Variants in MICAL3 observed in about 807,000 individuals in gnomAD.
MICAL3 encodes microtubule associated monooxygenase, calponin and LIM domain containing 3.
Under a neutral mutation model 207.4 loss-of-function variants are expected in MICAL3, and 62 were observed. The ratio of observed to expected loss-of-function variants is 0.30; its 90% CI spans 0.24 to 0.37. MICAL3 has a LOEUF of 0.37. MICAL3 is among the 10% of genes least tolerant of loss of function. The probability of loss-of-function intolerance (pLI) is 1.00; values close to 1 mark genes in which losing one functional copy is unlikely to be tolerated. For missense variants in MICAL3, 2,368 were observed against 2,635.6 expected (o/e 0.90, Z 2.22); for synonymous variants, 1,077 against 1,069.3 (o/e 1.01, Z -0.14).
chr22:17,839,993 T>TG (rs1347249078), intron 20 of MICAL3: 1 of 149,034 alleles, frequency 6.7e-6, no homozygotes, highest in African/African-American at 2.5e-5. Flanking sequence ...TGTACTGGTG[T>TG]GATCTCAGAT....
chr22:17,967,736 C>T (rs978169446), intron 1 of MICAL3, among the ~76,000 whole-genome samples: 1 of 151,572 alleles, frequency 6.6e-6, no homozygotes, highest in African/African-American at 2.4e-5. Context: ...AGCGAAACCC[C>T]TTCTCTATTG....
At chr22:17,893,147 C>T (rs939414786) in intron 11 of MICAL3, among the ~76,000 whole-genome samples, 98 of 152,122 alleles carry the variant, frequency 6.4e-4, no homozygotes, top group African/African-American at 2.3e-3. Context: ...GGCCCAAAGT[C>T]TGAGGTCTCC....
At chr22:17,871,542 T>G (rs973399492) in intron 17 of MICAL3, among the ~76,000 whole-genome samples, 3 of 152,220 alleles carry the variant, frequency 2.0e-5, no homozygotes, top group Non-Finnish European at 4.4e-5. Flanking sequence ...TTGTGTTCCT[T>G]TTATCTCAAG....
intron 1 of MICAL3, among the ~76,000 whole-genome samples, chr22:17,913,747 T>C (rs928691042): frequency 6.6e-6 from 1 of 152,172 alleles, no homozygotes; most frequent in African/African-American, 2.4e-5. Context: ...TATTTCTTCA[T>C]GAAAACCAAG....
At chr22:17,872,116 C>A in intron 16 of MICAL3, 93 bp from the exon 17 acceptor site, 1 of 1,103,574 alleles carries the variant, frequency 9.1e-7, no homozygotes, top group Non-Finnish European at 1.3e-6. Flanking sequence ...GCAAAGCCAA[C>A]CCTCACTAAG....
chr22:17,800,917 G>A (rs1337993592), intron 29 of MICAL3, among the ~76,000 whole-genome samples: 6 of 152,170 alleles, frequency 3.9e-5, no homozygotes, highest in East Asian at 1.9e-4. Context: ...TCGTCCTCAC[G>A]GGCGTGGCGA....
intron 12 of MICAL3, among the ~76,000 whole-genome samples, chr22:17,891,166 C>T (rs1329834022): frequency 6.6e-6 from 1 of 151,946 alleles, no homozygotes; most frequent in African/African-American, 2.4e-5. Context: ...AACAGTTTTC[C>T]TTTGTGGGAA....
intron 19 of MICAL3, chr22:17,861,147 A>G (rs1926478097): frequency 1.0e-6 from 1 of 985,422 alleles, no homozygotes; most frequent in Non-Finnish European, 1.2e-6. Context: ...GGAAGCAGTA[A>G]GACTTCCGAA....
At chr22:17,795,606 T>C (rs1323926893) in intron 29 of MICAL3, among the ~76,000 whole-genome samples, 3 of 151,926 alleles carry the variant, frequency 2.0e-5, no homozygotes, top group Non-Finnish European at 4.4e-5. Context: ...AATTAGGAAA[T>C]GAAATTAGAA....
intron 1 of MICAL3, among the ~76,000 whole-genome samples, chr22:17,943,255 AG>A (rs1933895406): frequency 6.6e-6 from 1 of 152,102 alleles, no homozygotes; most frequent in African/African-American, 2.4e-5. Flanking sequence ...CTCTGCCTCC[AG>A]GGTTCAAGCA....
In MICAL3 at chr22:17,841,588, T is replaced by A. The variant is rs1446524214; in HGVS notation, c.2801+234A>T. 3.4e-6 allele frequency: 2 copies of A among 582,878 alleles called. No individual in the cohort carries two copies. Among genetic ancestry groups the A allele is most frequent in the Admixed American group, 3.0e-5 (1 of 33,742 alleles). The allele number at this position is 582,878 out of a possible 1,614,324, so 36.1% of individuals were successfully genotyped here. ...AATGACAGACTTGGAGCTGGGGACATGTCAGGTCCTCAAGGAATAAATACT... is the reference window on the plus strand; with the variant it reads ...AATGACAGACTTGGAGCTGGGGACAAGTCAGGTCCTCAAGGAATAAATACT... On this transcript the variant is annotated intron_variant, in intron 20 of 31. Transcript: ENST00000441493. The surrounding 1 kb of genome is among the most constrained non-coding windows in gnomAD (Gnocchi z 4.2).
At chr22:17,848,792 G>T (rs1252222827) in intron 19 of MICAL3, among the ~76,000 whole-genome samples, 1 of 152,202 alleles carries the variant, frequency 6.6e-6, no homozygotes, top group Non-Finnish European at 1.5e-5. Flanking sequence ...TGTACAAAAG[G>T]TCTTCCTGCA....
chr22:17,793,671 C>T lies in MICAL3; in HGVS notation c.5651-2370G>A, dbSNP rs1239285651. 3 of 152,342 alleles carry T rather than the reference C, an allele frequency of 2.0e-5. No homozygotes were observed. Among genetic ancestry groups the T allele is most frequent in the Admixed American group, 6.6e-5 (1 of 15,266 alleles). The allele number at this position is 152,342 out of a possible 1,614,324, so 9.4% of individuals were successfully genotyped here. A position where few individuals can be genotyped will look rare whatever the true frequency, so the allele number is the denominator to read the frequency against. ...AGGTGGGTTCTGGCTCTGTGTTTGA[C>T]TAGTGTTGCTACACCCCCTCCGAGG... On this transcript the variant is annotated intron_variant, in intron 29 of 31. Transcript: ENST00000441493. The surrounding 1 kb of genome is among the most constrained non-coding windows in gnomAD (Gnocchi z 4.1).
At chr22:17,817,116 G>A (rs1381554492) in intron 26 of MICAL3, among the ~76,000 whole-genome samples, 195 bp downstream of exon 26, 1 of 152,194 alleles carries the variant, frequency 6.6e-6, no homozygotes, top group Non-Finnish European at 1.5e-5. Flanking sequence ...CCGGTTTCAA[G>A]CTGGCTTTGA....
chr22:17,833,995 A>G (rs1215723960), intron 20 of MICAL3, among the ~76,000 whole-genome samples: 4 of 152,266 alleles, frequency 2.6e-5, no homozygotes, highest in Admixed American at 6.5e-5. Context: ...AACCATAACC[A>G]TGAGTACAAC....
In MICAL3 at chr22:17,818,529, G is replaced by A. The variant is rs762298361; in HGVS notation, c.4132C>T (p.His1378Tyr). 3.1e-6 allele frequency: 5 copies of A among 1,613,282 alleles called. No individual in the cohort carries two copies. Among genetic ancestry groups the A allele is most frequent in the Non-Finnish European group, 4.2e-6 (5 of 1,179,882 alleles). ...VEKSPQDEGL[H>Y]LLKPLSIPKR... Reference sequence around the variant, plus strand: ...GGGATGGACAGAGGCTTGAGAAGGTGGAGTCCCTCATCCTGGGGGGACTTT... The same window carrying A: ...GGGATGGACAGAGGCTTGAGAAGGTAGAGTCCCTCATCCTGGGGGGACTTT... The change falls in exon 26 of 32, where the codon CAC becomes TAC. Residue 1378 changes from histidine to tyrosine, a missense_variant. Around this residue, in one of 4 missense-constraint regions of MICAL3, gnomAD observed 1,770 missense variants for 1,863.2 expected, o/e 0.95. Transcript: ENST00000441493.
intron 1 of MICAL3, among the ~76,000 whole-genome samples, chr22:17,936,432 G>C (rs963819379): frequency 1.3e-5 from 2 of 152,120 alleles, no homozygotes; most frequent in African/African-American, 4.8e-5. Context: ...TCGTGGGGTA[G>C]GGGACTAGGG....
rs1931403403 is a variant in MICAL3, at chr22:17,902,467, C to T, written c.589+164G>A. Among the ~76,000 whole-genome samples the T allele has an allele frequency of 6.6e-6, 1 of 152,196 alleles. No individual in the cohort carries two copies. The highest frequency in any genetic ancestry group is 1.5e-5 in the Non-Finnish European group (1 of 68,028). ...CACGGGGCCCTTCCCACCACATGTG[C>T]GCCTGCGACATCTAAGGCTGCATCC... On this transcript the variant is annotated intron_variant, in intron 4 of 31. Coordinates refer to ENST00000441493, the MANE Select transcript of MICAL3 (RefSeq NM_015241.3). This position sits in a 1 kb window ranked among gnomAD's most constrained non-coding sequence, Gnocchi z 4.5.
intron 20 of MICAL3, among the ~76,000 whole-genome samples, chr22:17,833,860 CAA>C (rs1923074834): frequency 6.6e-6 from 1 of 152,114 alleles, no homozygotes; most frequent in South Asian, 2.1e-4. Flanking sequence ...ACATCGAGAC[CAA>C]GAGAGTACAG....
Sources: gnomAD v4.1 joint callset for allele counts (sites outside exome capture counted in the v4.1 genomes callset) on GRCh38, gnomAD v4.1.1 for gene constraint, gnomAD v4.1.1 regional missense constraint, Gnocchi (gnomAD v3.1) non-coding constraint, MANE v1.5 for transcripts, NCBI Gene and HGNC (gene_info 2026-07-23, HGNC 2026-07-21) for gene names.